Variants in PPP1R1C observed in about 807,000 individuals in gnomAD.
PPP1R1C encodes the protein protein phosphatase 1 regulatory subunit 1C.
In PPP1R1C, 15 loss-of-function variants were observed where a neutral mutation model predicts 17.4. That is an observed-to-expected ratio of 0.86 (90% CI 0.58 to 1.33). The LOEUF (loss-of-function observed/expected upper bound fraction) is 1.33, where lower values mean the gene tolerates loss of function less well. PPP1R1C is among the 40% of genes most tolerant of loss of function. PPP1R1C has a pLI of 0.00. For synonymous variants in PPP1R1C, 35 were observed against 43.1 expected (o/e 0.81, Z 0.73); for missense variants, 143 against 130.0 (o/e 1.10, Z -0.48).
At chr2:181,971,214 C>A (rs1433778972) in intron 1 of PPP1R1C, among the ~76,000 whole-genome samples, 1 of 152,146 alleles carries the variant, frequency 6.6e-6, no homozygotes, top group Non-Finnish European at 1.5e-5. Context: ...TGAGTTACAC[C>A]CAAGGCCCAC....
In PPP1R1C at chr2:182,061,475, G is replaced by A; in HGVS notation, c.176G>A (p.Gly59Glu). Reference protein sequence around the residue: ...IDDKRGPNTQGELQNASPKQR... With the variant: ...IDDKRGPNTQEELQNASPKQR... ...GACAAGAGGGGGCCCAACACACAAG[G>A]GGAAGTAAGTTTTTAAAAATATTTT... Residue 59 changes from glycine (G) to glutamate (E), a missense_variant, in exon 3 of 5, where the codon GGG (glycine) becomes GAG (glutamate). Coordinates refer to ENST00000682840, the MANE Select transcript of PPP1R1C (RefSeq NM_001080545.3). 1.4e-6 allele frequency: 2 copies of A among 1,465,884 alleles called. No homozygotes were observed. The highest frequency in any genetic ancestry group is 2.7e-5 in the East Asian group (1 of 36,528). The allele number at this position is 1,465,884 out of a possible 1,614,324, so 90.8% of individuals were successfully genotyped here. A position where few individuals can be genotyped will look rare whatever the true frequency, so the allele number is the denominator to read the frequency against.
intron 4 of PPP1R1C, among the ~76,000 whole-genome samples, chr2:182,083,031 A>G (rs1233739707): frequency 1.3e-5 from 2 of 152,152 alleles, no homozygotes; most frequent in South Asian, 2.1e-4. Flanking sequence ...AGCATAATAG[A>G]TTCTTAAAGG....
chr2:182,121,618 G>A (rs912640756), downstream of PPP1R1C, among the ~76,000 whole-genome samples: 6 of 152,196 alleles, frequency 3.9e-5, no homozygotes, highest in African/African-American at 1.4e-4. Flanking sequence ...CTCCCAAGTA[G>A]CTGGGACTGC....
intron 2 of PPP1R1C, among the ~76,000 whole-genome samples, chr2:182,024,827 C>T (rs542419568): frequency 4.6e-5 from 7 of 151,604 alleles, no homozygotes; most frequent in Non-Finnish European, 1.0e-4. Context: ...TGCACTCCAG[C>T]CTGGGCAACA....
intron 1 of PPP1R1C, 58 bp from the exon 2 acceptor site, chr2:181,987,781 G>T: frequency 6.4e-7 from 1 of 1,561,626 alleles, no homozygotes; most frequent in Non-Finnish European, 8.8e-7. Context: ...AAGCTGCAGA[G>T]TAACCTGGAG....
At chr2:182,061,376 T>C in intron 2 of PPP1R1C, 66 bp from the exon 3 acceptor site, 1 of 1,078,850 alleles carries the variant, frequency 9.3e-7, no homozygotes, top group Admixed American at 3.0e-5. Context: ...TTGTTGAAAA[T>C]GTTAATATAT....
At chr2:182,019,525 C>T (rs1388573637) in intron 2 of PPP1R1C, among the ~76,000 whole-genome samples, 1 of 152,246 alleles carries the variant, frequency 6.6e-6, no homozygotes, top group South Asian at 2.1e-4. Flanking sequence ...AATGATTATT[C>T]TTTTTATTAA....
intron 2 of PPP1R1C, among the ~76,000 whole-genome samples, chr2:181,997,687 T>C (rs950600472): frequency 3.3e-5 from 5 of 152,212 alleles, no homozygotes; most frequent in African/African-American, 1.2e-4. Flanking sequence ...TATATTCTCA[T>C]TTGAGTAGGT....
chr2:182,117,169 A>G, intron 4 of PPP1R1C, 38 bp from the exon 5 acceptor site: 1 of 1,373,310 alleles, frequency 7.3e-7, no homozygotes, highest in Middle Eastern at 1.8e-4. Context: ...TCCAGAAATG[A>G]AAATCATTTA....
At chr2:182,068,799 TGCCAGAG>T (rs1476868882) in intron 4 of PPP1R1C, among the ~76,000 whole-genome samples, 19 of 152,204 alleles carry the variant, frequency 1.2e-4, no homozygotes, top group Non-Finnish European at 1.5e-5. Flanking sequence ...AAATATTTCT[TGCCAGAG>T]GGATGAGAAG....
At chr2:181,984,243 G>T (rs1044939939), upstream of PPP1R1C, among the ~76,000 whole-genome samples, 1 of 152,166 alleles carries the variant, frequency 6.6e-6, no homozygotes, top group Non-Finnish European at 1.5e-5. Flanking sequence ...CAAGAAGAAA[G>T]TTCTCCTACT....
intron 2 of PPP1R1C, among the ~76,000 whole-genome samples, chr2:182,004,711 TCAGCAGGAGGGCTCAC>T (rs1282825926): frequency 6.6e-6 from 1 of 152,354 alleles, no homozygotes; most frequent in Non-Finnish European, 1.5e-5. Context: ...GAGATGGTTT[TCAGCAGGAGGGCTCAC>T]CAGCAGGAGG....
intron 2 of PPP1R1C, among the ~76,000 whole-genome samples, chr2:182,020,403 C>T (rs542744543): frequency 2.0e-4 from 31 of 152,282 alleles, no homozygotes; most frequent in African/African-American, 7.2e-4. Context: ...TTTCCTATCC[C>T]TCTGTCTTTT....
At chr2:182,055,874 T>C (rs2125192481) in intron 2 of PPP1R1C, among the ~76,000 whole-genome samples, 1 of 152,354 alleles carries the variant, frequency 6.6e-6, no homozygotes, top group African/African-American at 2.4e-5. Flanking sequence ...TTAAGCAGCA[T>C]TCCTAAAAAA....
chr2:182,109,951 A>C (rs1217470829), intron 4 of PPP1R1C, among the ~76,000 whole-genome samples: 1 of 152,214 alleles, frequency 6.6e-6, no homozygotes, highest in East Asian at 1.9e-4. Context: ...ACTAGAATGC[A>C]AATTTATTAA....
intron 2 of PPP1R1C, among the ~76,000 whole-genome samples, chr2:182,051,974 G>A (rs1687534021): frequency 6.6e-6 from 1 of 151,422 alleles, no homozygotes; most frequent in Admixed American, 6.6e-5. Flanking sequence ...TTGCACTCCA[G>A]CCTGGGCGAC....
upstream of PPP1R1C, among the ~76,000 whole-genome samples, chr2:181,984,731 A>G (rs917819394): frequency 2.0e-5 from 3 of 152,242 alleles, no homozygotes; most frequent in Non-Finnish European, 4.4e-5. Flanking sequence ...TAAAAACTTC[A>G]ATTGTAAATA....
chr2:181,962,059 G>C lies in PPP1R1C; in HGVS notation n.111+7425G>C. 1.4e-6 allele frequency: 1 copy of C among 723,742 alleles called. No homozygotes were observed. Among genetic ancestry groups the C allele is most frequent in the Non-Finnish European group, 2.6e-6 (1 of 391,216 alleles). The allele number at this position is 723,742 out of a possible 1,614,324, so 44.8% of individuals were successfully genotyped here. On this transcript the variant is annotated intron_variant and non_coding_transcript_variant, in intron 1 of 5. Transcript: ENST00000464264. The surrounding 1 kb of genome is among the most constrained non-coding windows in gnomAD (Gnocchi z 6.0). ...CGGCATTGTCCACAGTATTTGCGAA[G>C]ATCTGAACCCTCAGGTCCTCGATGG...
intron 5 of PPP1R1C, among the ~76,000 whole-genome samples, chr2:182,124,942 T>G (rs981911680): frequency 2.0e-5 from 3 of 151,930 alleles, no homozygotes; most frequent in Non-Finnish European, 4.4e-5. Flanking sequence ...TGAATAGGAG[T>G]GGTGAGAGGG....
Sources: gnomAD v4.1 joint callset for allele counts (sites outside exome capture counted in the v4.1 genomes callset) on GRCh38, gnomAD v4.1.1 for gene constraint, Gnocchi (gnomAD v3.1) non-coding constraint, MANE v1.5 for transcripts, NCBI Gene and HGNC (gene_info 2026-07-23, HGNC 2026-07-21) for gene names.